The following SLCO1C1 variants were observed in gnomAD, a reference collection of about 807,000 sequenced individuals.
SLCO1C1 encodes solute carrier organic anion transporter family member 1C1.
SLCO1C1 carries 70 observed loss-of-function variants against 76.4 expected under a neutral mutation model. That is an observed-to-expected ratio of 0.92 (90% CI 0.76 to 1.12). SLCO1C1 has a LOEUF of 1.12. Ranked by LOEUF, SLCO1C1 falls within the 50% of genes most tolerant of loss-of-function variation. SLCO1C1 has a pLI of 0.00. For missense variants in SLCO1C1, 912 were observed against 823.8 expected (o/e 1.11, Z -1.31); for synonymous variants, 306 against 286.1 (o/e 1.07, Z -0.70).
In SLCO1C1 at chr12:20,737,160, G is replaced by A. The variant is rs777708017; in HGVS notation, c.1436G>A (p.Arg479Lys). The A allele has an allele frequency of 6.4e-7, 1 of 1,560,128 alleles. No individual in the cohort carries two copies. The highest frequency in any genetic ancestry group is 2.4e-5 in the East Asian group (1 of 40,950). The change falls in exon 11 of 15, where the codon AGA becomes AAA. Residue 479 changes from arginine to lysine, a missense_variant. Coordinates refer to ENST00000266509, the MANE Select transcript of SLCO1C1 (RefSeq NM_017435.5). ...ERALFSDCNS[R>K]CKCSETKWEP... is the part of the protein sequence containing the mutation. The stretch of plus-strand genomic sequence containing the variant: ...GCTCTCTTTTCAGATTGCAACTCAA[G>A]ATGCAAATGTTCAGAGACAAAATGG...
intron 3 of SLCO1C1, 125 bp downstream of exon 3, chr12:20,701,584 T>TTC: frequency 1.1e-6 from 1 of 934,100 alleles, no homozygotes; most frequent in Non-Finnish European, 1.5e-6. Context: ...TTTTTTTTTT[T>TTC]TTTGGACAGA....
intron 9 of SLCO1C1, among the ~76,000 whole-genome samples, chr12:20,724,445 A>G (rs35167125): frequency 0.012 from 1,154 of 96,298 alleles, 13 homozygotes; most frequent in Non-Finnish European, 0.016. Flanking sequence ...ATATATATAT[A>G]TATATATGTG....
At chr12:20,734,224 A>C (rs1948437302) in intron 10 of SLCO1C1, among the ~76,000 whole-genome samples, 1 of 152,110 alleles carries the variant, frequency 6.6e-6, no homozygotes, top group African/African-American at 2.4e-5. Context: ...CTGCTAAATG[A>C]GCGCCTGTTA....
In SLCO1C1 at chr12:20,723,185, G is replaced by A; in HGVS notation, c.1117G>A (p.Val373Met). ...TVQFNSLFGM[V>M]TYKPKYIEQQ... is the part of the protein sequence containing the mutation. ...TCAGTTCAATTCTCTGTTCGGCATG[G>A]TGACGTACAAACCAAAGTACATTGA... Residue 373 changes from valine (V) to methionine (M), a missense_variant, in exon 9 of 15, where the codon GTG (valine) becomes ATG (methionine). Coordinates refer to ENST00000266509, the MANE Select transcript of SLCO1C1 (RefSeq NM_017435.5). The A allele has an allele frequency of 7.4e-6, 12 of 1,614,070 alleles. No homozygotes were observed. In the South Asian group the frequency reaches 1.2e-4, roughly 16 times the overall value.
intron 9 of SLCO1C1, among the ~76,000 whole-genome samples, chr12:20,726,183 A>G (rs796285195): frequency 2.0e-5 from 3 of 152,050 alleles, no homozygotes; most frequent in Non-Finnish European, 4.4e-5. Context: ...GTAAATGCGT[A>G]TATCTGTCGT....
At chr12:20,710,505 T>C (rs1947035869) in intron 4 of SLCO1C1, among the ~76,000 whole-genome samples, 1 of 152,106 alleles carries the variant, frequency 6.6e-6, no homozygotes, top group African/African-American at 2.4e-5. Context: ...ACGTGGCATA[T>C]GAAGGATAAT....
intron 9 of SLCO1C1, among the ~76,000 whole-genome samples, chr12:20,729,797 G>A (rs1371870423): frequency 2.0e-5 from 3 of 151,994 alleles, no homozygotes; most frequent in Non-Finnish European, 4.4e-5. Flanking sequence ...GAGAAAGAGG[G>A]TAGAGGTTTT....
chr12:20,723,240 C>T lies in SLCO1C1; in HGVS notation c.1172C>T (p.Ala391Val). 6.2e-7 allele frequency: 1 copy of T among 1,613,650 alleles called. No individual in the cohort carries two copies. The highest frequency in any genetic ancestry group is 8.5e-7 in the Non-Finnish European group (1 of 1,179,866). Reference protein sequence around the residue: ...EQQYGQSSSRANFVIGLINIP... With the variant: ...EQQYGQSSSRVNFVIGLINIP... ...CAGTATGGACAGTCATCCTCCAGGG[C>T]CAACTTTGTGATCGGTATGCTCATC... is the stretch of plus-strand genomic sequence containing the variant. The change falls in exon 9 of 15, where the codon GCC becomes GTC. Residue 391 changes from alanine (A) to valine (V), a missense_variant. Coordinates refer to ENST00000266509, the MANE Select transcript of SLCO1C1 (RefSeq NM_017435.5).
chr12:20,706,122 A>C, intron 4 of SLCO1C1, 41 bp downstream of exon 4: 1 of 1,553,878 alleles, frequency 6.4e-7, no homozygotes, highest in Non-Finnish European at 8.7e-7. Context: ...CTTTCCAAAC[A>C]ACTGCATTTC....
chr12:20,703,383 C>A (rs1417418677), intron 3 of SLCO1C1, among the ~76,000 whole-genome samples: 9 of 144,244 alleles, frequency 6.2e-5, no homozygotes, highest in African/African-American at 2.3e-4. Flanking sequence ...AATTTCGTAT[C>A]TTTCTTTGCA....
chr12:20,719,204 A>G (rs966696356), intron 7 of SLCO1C1, among the ~76,000 whole-genome samples: 10 of 151,872 alleles, frequency 6.6e-5, no homozygotes, highest in Non-Finnish European at 1.2e-4. Context: ...GGGCACCACA[A>G]TTGTGCCCAT....
intron 14 of SLCO1C1, among the ~76,000 whole-genome samples, chr12:20,751,332 G>T (rs1357866637): frequency 6.6e-6 from 1 of 152,042 alleles, no homozygotes; most frequent in Non-Finnish European, 1.5e-5. Context: ...GGGTTGGGTG[G>T]CGTGGCTTTT....
At chr12:20,713,365 C>T (rs1947223052) in intron 5 of SLCO1C1, among the ~76,000 whole-genome samples, 1 of 152,136 alleles carries the variant, frequency 6.6e-6, no homozygotes, top group Non-Finnish European at 1.5e-5. Flanking sequence ...AGGCGTGAGC[C>T]ACCGCGCCCG....
intron 9 of SLCO1C1, among the ~76,000 whole-genome samples, chr12:20,725,228 AAAG>A (rs1423574171): frequency 7.3e-6 from 1 of 136,820 alleles, no homozygotes; most frequent in Admixed American, 7.4e-5. Context: ...ATAGTTAAAG[AAAG>A]AAAAAATACA....
intron 5 of SLCO1C1, among the ~76,000 whole-genome samples, chr12:20,713,193 C>T (rs1464612718): frequency 6.6e-6 from 1 of 151,188 alleles, no homozygotes; most frequent in Non-Finnish European, 1.5e-5. Flanking sequence ...CATTCTCCTG[C>T]CTCAGCCTCC....
chr12:20,751,569 T>A (rs994397805), intron 14 of SLCO1C1, among the ~76,000 whole-genome samples: 3 of 152,158 alleles, frequency 2.0e-5, no homozygotes, highest in African/African-American at 7.2e-5. Flanking sequence ...GTTTTGATGC[T>A]ATGCGTGAAA....
rs773256210 is a variant in SLCO1C1, at chr12:20,740,350, G to A, written c.1715G>A (p.Gly572Glu). 3 of 1,613,010 alleles carry A rather than the reference G, an allele frequency of 1.9e-6. No homozygotes were observed. Among genetic ancestry groups the A allele is most frequent in the Admixed American group, 3.3e-5 (2 of 59,856 alleles). ...ACTTTATCCCTAGGTGGCATACCTG[G>A]ATACATATTACTTCTGAGGTGAGTA... ...SYTLSLGGIP[G>E]YILLLRCIKP... The change falls in exon 12 of 15, where the codon GGA becomes GAA. Residue 572 changes from glycine to glutamate, a missense_variant. Coordinates refer to ENST00000266509, the MANE Select transcript of SLCO1C1 (RefSeq NM_017435.5).
chr12:20,742,945 TG>T, intron 12 of SLCO1C1, among the ~76,000 whole-genome samples: 1 of 152,320 alleles, frequency 6.6e-6, no homozygotes, highest in Non-Finnish European at 1.5e-5. Context: ...AAAAATTTTT[TG>T]GCTATTAATT....
chr12:20,733,387 C>A (rs745432658), intron 10 of SLCO1C1, among the ~76,000 whole-genome samples: 1 of 152,120 alleles, frequency 6.6e-6, no homozygotes, highest in Non-Finnish European at 1.5e-5. Context: ...GAAATACAAA[C>A]CTTGAATAAT....
Sources: gnomAD v4.1 joint callset for allele counts (sites outside exome capture counted in the v4.1 genomes callset) on GRCh38, gnomAD v4.1.1 for gene constraint, MANE v1.5 for transcripts, NCBI Gene and HGNC (gene_info 2026-07-23, HGNC 2026-07-21) for gene names.